The following LTAP1 variants were observed in gnomAD, a reference collection of about 807,000 sequenced individuals.
The protein encoded by LTAP1 is lipid transport auxiliary protein 1, also known as HCV NS5A-transactivated protein 4.
the LTAP1 span, chr1:154,211,961 A>G: frequency 3.3e-5 from 7 of 211,742 alleles, no homozygotes; most frequent in Non-Finnish European, 6.8e-5. Flanking sequence ...GGTTCAAGAG[A>G]TTCTCCTGCC....
At chr1:154,217,296 T>C in the LTAP1 span, among the ~76,000 whole-genome samples, 1 of 152,200 alleles carries the variant, frequency 6.6e-6, no homozygotes, top group Non-Finnish European at 1.5e-5. Context: ...ATACAATAAA[T>C]GCATTCATTT....
At chr1:154,216,059 G>T in the LTAP1 span, among the ~76,000 whole-genome samples, 41 of 151,870 alleles carry the variant, frequency 2.7e-4, no homozygotes, top group African/African-American at 9.9e-4. Flanking sequence ...GGTTGGTCTC[G>T]ATCTGCTGAC....
chr1:154,213,203 A>T, the LTAP1 span: 1 of 153,180 alleles, frequency 6.5e-6, no homozygotes, highest in Non-Finnish European at 1.5e-5. Flanking sequence ...GCTACTCGGG[A>T]GGCTGAGGCA....
the LTAP1 span, among the ~76,000 whole-genome samples, chr1:154,219,067 G>C: frequency 1.3e-5 from 2 of 152,186 alleles, no homozygotes; most frequent in Non-Finnish European, 2.9e-5. Context: ...CCACACAAAA[G>C]GGGGTTGGTA....
the LTAP1 span, chr1:154,206,757 TAA>T: frequency 1.2e-5 from 2 of 160,338 alleles, no homozygotes; most frequent in Non-Finnish European, 2.7e-5. Context: ...AAATAATTTA[TAA>T]AGTCAGACCA....
chr1:154,217,402 C>T, the LTAP1 span, among the ~76,000 whole-genome samples: 4 of 152,184 alleles, frequency 2.6e-5, no homozygotes, highest in African/African-American at 9.7e-5. Flanking sequence ...GGAAATCTCC[C>T]CTCTCCCAGC....
chr1:154,218,792 G>C, the LTAP1 span, among the ~76,000 whole-genome samples: 1 of 152,330 alleles, frequency 6.6e-6, no homozygotes, highest in Admixed American at 6.5e-5. Context: ...CGGTCTAGCG[G>C]AAGAGAGAGG....
the LTAP1 span, chr1:154,212,808 T>G: frequency 1.3e-5 from 8 of 599,600 alleles, no homozygotes; most frequent in Non-Finnish European, 2.3e-5. Flanking sequence ...ATTACAGATG[T>G]GCACCACCAT....
At chr1:154,218,865 G>A in the LTAP1 span, among the ~76,000 whole-genome samples, 1 of 152,174 alleles carries the variant, frequency 6.6e-6, no homozygotes, top group Admixed American at 6.6e-5. Context: ...AAAAATCAGG[G>A]TACCATGTGA....
chr1:154,219,704 C>A, the LTAP1 span: 5 of 708,304 alleles, frequency 7.1e-6, no homozygotes, highest in Admixed American at 3.3e-5. Context: ...GCCTGCTCAA[C>A]TTAGTAAGTA....
chr1:154,219,764 G>A, the LTAP1 span: 1 of 1,114,008 alleles, frequency 9.0e-7, no homozygotes, highest in African/African-American at 1.6e-5. Context: ...CATCACTAAA[G>A]GCAGAGGAAA....
the LTAP1 span, among the ~76,000 whole-genome samples, chr1:154,209,758 TTTTTTTTTGTA>T: frequency 6.6e-6 from 1 of 151,808 alleles, no homozygotes; most frequent in Non-Finnish European, 1.5e-5. Flanking sequence ...GGCTAATTTT[TTTTTTTTTGTA>T]TTTTTAGTAG....
chr1:154,213,260 T>C, the LTAP1 span: 1 of 152,700 alleles, frequency 6.5e-6, no homozygotes, highest in African/African-American at 2.4e-5. Context: ...TGAGCCAAGA[T>C]CGTGCTACTG....
the LTAP1 span, chr1:154,219,966 AT>A: frequency 6.5e-7 from 1 of 1,538,020 alleles, no homozygotes; most frequent in Non-Finnish European, 8.8e-7. Context: ...AAATCCTTTA[AT>A]AAAAAGTCAG....
At chr1:154,211,428 C>T in the LTAP1 span, among the ~76,000 whole-genome samples, 454 of 136,450 alleles carry the variant, frequency 3.3e-3, 1 homozygote, top group Non-Finnish European at 5.6e-3. Context: ...CCTCTGCCTC[C>T]TGGGGTCAAG....
the LTAP1 span, among the ~76,000 whole-genome samples, chr1:154,216,941 G>A: frequency 0.56 from 84,325 of 150,942 alleles, 24,391 homozygotes; most frequent in East Asian, 0.96. Flanking sequence ...AAACCACCTC[G>A]CCTGGCCTTA....
At chr1:154,211,412 C>T in the LTAP1 span, among the ~76,000 whole-genome samples, 575 of 125,766 alleles carry the variant, frequency 4.6e-3, 5 homozygotes, top group Middle Eastern at 0.022. Context: ...TCTCAGCTCA[C>T]TGCAACCTCT....
At chr1:154,215,459 G>A in the LTAP1 span, among the ~76,000 whole-genome samples, 1,412 of 151,624 alleles carry the variant, frequency 9.3e-3, 15 homozygotes, top group Non-Finnish European at 0.012. Flanking sequence ...CCAGCTACTC[G>A]GGAGGCCGAG....
chr1:154,216,505 T>C, the LTAP1 span, among the ~76,000 whole-genome samples: 1 of 151,408 alleles, frequency 6.6e-6, no homozygotes, highest in Non-Finnish European at 1.5e-5. Context: ...TGGCTAATTA[T>C]TAAACATTTT....
Sources: gnomAD v4.1 joint callset for allele counts (sites outside exome capture counted in the v4.1 genomes callset) on GRCh38, gnomAD v4.1.1 for gene constraint, MANE v1.5 for transcripts, NCBI Gene and HGNC (gene_info 2026-07-23, HGNC 2026-07-21) for gene names.